SLIT3: variants seen among roughly 807,000 people sequenced by gnomAD.
The protein encoded by SLIT3 is slit homolog 3 protein.
SLIT3 carries 68 observed loss-of-function variants against 184.0 expected under a neutral mutation model. The observed-to-expected ratio is 0.37, with a 90% CI of 0.30 to 0.45. The LOEUF is 0.45. Among genes scored for constraint, SLIT3 ranks in the 20% least tolerant of loss-of-function variants. SLIT3 has a pLI of 1.00. For synonymous variants in SLIT3, 831 were observed against 828.6 expected, an observed-to-expected ratio of 1.00 and a Z score of -0.05; for missense variants, 1,707 against 2,026.0, an observed-to-expected ratio of 0.84 and a Z score of 3.02.
chr5:168,873,903 G>C (rs530633675), intron 5 of SLIT3, among the ~76,000 whole-genome samples: 1 of 151,924 alleles, frequency 6.6e-6, no homozygotes, highest in East Asian at 1.9e-4. Context: ...ACGAATACCA[G>C]AGCCTCAAAG....
intron 28 of SLIT3, among the ~76,000 whole-genome samples, chr5:168,693,775 G>C (rs1238402421): frequency 6.6e-6 from 1 of 152,132 alleles, no homozygotes; most frequent in Non-Finnish European, 1.5e-5. Flanking sequence ...TCTGTTCTTT[G>C]CTATGGTGGG....
intron 4 of SLIT3, among the ~76,000 whole-genome samples, chr5:169,175,914 C>A (rs545289388): frequency 2.0e-4 from 31 of 152,306 alleles, no homozygotes; most frequent in African/African-American, 7.5e-4. Flanking sequence ...ACTTCCACGT[C>A]CCCCATAAGG....
intron 4 of SLIT3, among the ~76,000 whole-genome samples, chr5:168,998,742 A>AGAAAT (rs1554088798): frequency 3.9e-5 from 6 of 152,016 alleles, no homozygotes; most frequent in Non-Finnish European, 5.9e-5. Flanking sequence ...ACAAAACAAA[A>AGAAAT]GGCCATTGAA....
Position 168,665,795 on chromosome 5 carries a change from C to A in SLIT3, c.*659G>T, listed in dbSNP as rs948955793. ...ACCCTGAAGGGGGGTCTGGGACAGA[C>A]AGGGACAGCAATATTTTTGAGTGGC... On this transcript the variant is annotated 3_prime_UTR_variant, in exon 36 of 36. Transcript: ENST00000519560. 6.6e-6 allele frequency: 1 copy of A among 152,310 alleles called. No homozygotes were observed. Among genetic ancestry groups the A allele is most frequent in the Non-Finnish European group, 1.5e-5 (1 of 68,178 alleles). 9.4% of individuals were successfully genotyped at this position (152,310 alleles called of 1,614,324 possible). A position where few individuals can be genotyped will look rare whatever the true frequency, so the allele number is the denominator to read the frequency against.
intron 14 of SLIT3, 59 bp downstream of exon 14, chr5:168,772,722 T>C: frequency 1.3e-6 from 2 of 1,587,620 alleles, no homozygotes; most frequent in Non-Finnish European, 1.7e-6. Flanking sequence ...ATTATTGGCC[T>C]CTCTGGGGCT....
chr5:168,976,916 T>C (rs1448016212), intron 4 of SLIT3, among the ~76,000 whole-genome samples: 3 of 151,986 alleles, frequency 2.0e-5, no homozygotes, highest in Non-Finnish European at 4.4e-5. Context: ...TTCTCACATT[T>C]CCCATAAGGG....
chr5:169,171,327 G>A (rs976681862), intron 4 of SLIT3, among the ~76,000 whole-genome samples: 2 of 152,172 alleles, frequency 1.3e-5, no homozygotes, highest in Admixed American at 6.5e-5. Flanking sequence ...TCTAGACTTG[G>A]ATGATCCTTG....
chr5:168,755,405 C>CTTTCTTTCT (rs1754875163), intron 16 of SLIT3, among the ~76,000 whole-genome samples: 5 of 20,136 alleles, frequency 2.5e-4, no homozygotes, highest in African/African-American at 4.0e-4. Context: ...TTCTTTCTTT[C>CTTTCTTTCT]TTTCTTTCTT....
intron 3 of SLIT3, among the ~76,000 whole-genome samples, chr5:169,215,875 C>T (rs1159088863): frequency 2.0e-5 from 3 of 152,122 alleles, no homozygotes; most frequent in South Asian, 2.1e-4. Flanking sequence ...GTCTAAAGCC[C>T]TTTATCATCA....
At chr5:169,143,636 T>C (rs1332173024) in intron 4 of SLIT3, among the ~76,000 whole-genome samples, 1 of 152,080 alleles carries the variant, frequency 6.6e-6, no homozygotes, top group Non-Finnish European at 1.5e-5. Context: ...CCGTCTCTAC[T>C]AAAAAATACA....
Position 169,069,294 on chromosome 5 carries a change from T to C in SLIT3, c.413+124185A>G, listed in dbSNP as rs199582470. Reference sequence around the variant, plus strand: ...GGGTACCACCTTCCAGGTGCTCCCATTTCACAGTCGAGAGAGGAGTGACAT... The same window carrying C: ...GGGTACCACCTTCCAGGTGCTCCCACTTCACAGTCGAGAGAGGAGTGACAT... On this transcript the variant is annotated intron_variant, in intron 4 of 35. Coordinates refer to ENST00000519560, the MANE Select transcript of SLIT3 (RefSeq NM_003062.4). 3.9e-5 allele frequency among the ~76,000 whole-genome samples: 6 copies of C among 152,320 alleles called. No individual in the cohort carries two copies. The East Asian group carries it at 1.2e-3, about 29-fold the overall frequency.
chr5:169,281,359 C>T (rs1469512651), intron 1 of SLIT3, among the ~76,000 whole-genome samples: 1 of 152,064 alleles, frequency 6.6e-6, no homozygotes, highest in Non-Finnish European at 1.5e-5. Flanking sequence ...GCCTGTAATC[C>T]CAGCTACTTG....
chr5:168,940,294 T>C (rs1167574953), intron 4 of SLIT3, among the ~76,000 whole-genome samples: 3 of 152,204 alleles, frequency 2.0e-5, no homozygotes, highest in Admixed American at 1.3e-4. Flanking sequence ...CTTCTATAGT[T>C]TGTCATATTG....
rs1420662224 is a variant in SLIT3 at position 169,279,398 on chromosome 5, G to C, written c.197+21115C>G. ...AGAGCAGCACCTTATGTTAGGCAGT[G>C]TTAGCCCCATTTTACGGAGGAGGAA... On this transcript the variant is annotated intron_variant, in intron 1 of 35. Coordinates refer to ENST00000519560, the MANE Select transcript of SLIT3 (RefSeq NM_003062.4). 2.6e-5 allele frequency among the ~76,000 whole-genome samples: 4 copies of C among 152,142 alleles called. No individual in the cohort carries two copies. In the East Asian group the frequency reaches 7.7e-4, roughly 29 times the overall value.
At chr5:169,060,023 C>T (rs1305315172) in intron 4 of SLIT3, among the ~76,000 whole-genome samples, 1 of 152,242 alleles carries the variant, frequency 6.6e-6, no homozygotes, top group Non-Finnish European at 1.5e-5. Context: ...CAGCCATCTG[C>T]AGCCCAGAAT....
intron 4 of SLIT3, among the ~76,000 whole-genome samples, chr5:169,179,466 A>AATT (rs1161827657): frequency 1.3e-5 from 2 of 152,164 alleles, no homozygotes; most frequent in Middle Eastern, 3.2e-3. Context: ...ATTTCACTGT[A>AATT]TCACAGAATA....
chr5:168,967,231 C>A (rs1399073805), intron 4 of SLIT3, among the ~76,000 whole-genome samples: 1 of 151,772 alleles, frequency 6.6e-6, no homozygotes. Context: ...TGTGTGTGTG[C>A]ATGTGTATAT....
intron 4 of SLIT3, among the ~76,000 whole-genome samples, chr5:168,886,490 C>T (rs543408986): frequency 2.6e-5 from 4 of 152,182 alleles, no homozygotes; most frequent in Non-Finnish European, 5.9e-5. Flanking sequence ...ATAAAAATAA[C>T]AAAATCTATC....
At chr5:168,765,870 G>T (rs11743764) in intron 14 of SLIT3, among the ~76,000 whole-genome samples, 1 of 151,948 alleles carries the variant, frequency 6.6e-6, no homozygotes, top group East Asian at 1.9e-4. Flanking sequence ...CCCCTTTCGC[G>T]GGCAGCTCAG....
Sources: allele counts gnomAD v4.1 joint callset (sites outside exome capture counted in the v4.1 genomes callset), GRCh38; gene constraint gnomAD v4.1.1; transcripts MANE v1.5; gene names NCBI Gene and HGNC (gene_info 2026-07-23, HGNC 2026-07-21).